Variants in SUMF1 observed in about 807,000 individuals in gnomAD.
The protein encoded by SUMF1 is sulfatase modifying factor 1.
Under a neutral mutation model 47.6 loss-of-function variants are expected in SUMF1, and 48 were observed. The ratio of observed to expected loss-of-function variants is 1.01; its 90% CI spans 0.80 to 1.28. The LOEUF is 1.28. SUMF1 is among the 50% of genes most tolerant of loss of function. The probability of loss-of-function intolerance (pLI) is 0.00; values close to 1 mark genes in which losing one functional copy is unlikely to be tolerated. For missense variants in SUMF1, 571 were observed against 485.4 expected, an observed-to-expected ratio of 1.18 and a Z score of -1.66; for synonymous variants, 230 against 192.1, an observed-to-expected ratio of 1.20 and a Z score of -1.63.
At chr3:4,338,787 A>G (rs77518457) in intron 8 of SUMF1, among the ~76,000 whole-genome samples, 4,913 of 152,104 alleles carry the variant, frequency 0.032, 256 homozygotes, top group African/African-American at 0.11. Context: ...TACCTAGTAC[A>G]TATGTATACC....
intron 8 of SUMF1, among the ~76,000 whole-genome samples, chr3:4,147,369 T>A (rs144278254): frequency 0.028 from 4,211 of 152,258 alleles, 96 homozygotes; most frequent in African/African-American, 0.049. Context: ...TGCACACGTA[T>A]GTTTATTGTG....
intron 8 of SUMF1, among the ~76,000 whole-genome samples, chr3:4,172,105 T>C (rs922517305): frequency 5.3e-5 from 8 of 152,148 alleles, no homozygotes; most frequent in African/African-American, 1.7e-4. Context: ...CAGTAGCCAA[T>C]GCAAGTAGGG....
intron 8 of SUMF1, among the ~76,000 whole-genome samples, chr3:4,218,405 C>A (rs1009751494): frequency 1.3e-5 from 2 of 152,138 alleles, no homozygotes; most frequent in Admixed American, 6.6e-5. Flanking sequence ...ACACCACAGG[C>A]CTCCGGGAAT....
At chr3:4,371,827 G>A (rs1039805173) in intron 8 of SUMF1, among the ~76,000 whole-genome samples, 1 of 152,182 alleles carries the variant, frequency 6.6e-6, no homozygotes, top group African/African-American at 2.4e-5. Context: ...TTAATAGTGT[G>A]CCTAAGGTCA....
At chr3:4,206,884 A>T (rs1181645924) in intron 8 of SUMF1, among the ~76,000 whole-genome samples, 3 of 151,970 alleles carry the variant, frequency 2.0e-5, no homozygotes, top group Non-Finnish European at 1.5e-5. Context: ...GTCAATTTCT[A>T]TGAAAAGCCT....
intron 8 of SUMF1, among the ~76,000 whole-genome samples, chr3:4,212,848 G>A (rs867075397): frequency 1.3e-5 from 2 of 152,084 alleles, no homozygotes; most frequent in Non-Finnish European, 2.9e-5. Context: ...AAAGCGAGAA[G>A]ACAAAATTAG....
At chr3:4,131,916 T>G (rs1187573544) in intron 8 of SUMF1, among the ~76,000 whole-genome samples, 1 of 152,110 alleles carries the variant, frequency 6.6e-6, no homozygotes, top group Non-Finnish European at 1.5e-5. Flanking sequence ...GGATGGAGGT[T>G]ACACATGGGC....
chr3:4,366,650 C>T (rs938602084), intron 8 of SUMF1, among the ~76,000 whole-genome samples: 2 of 151,962 alleles, frequency 1.3e-5, no homozygotes, highest in African/African-American at 4.8e-5. Context: ...ACTTCTTTGC[C>T]TTTGGTTTGA....
chr3:4,316,030 G>A (rs1359354662), intron 8 of SUMF1, among the ~76,000 whole-genome samples: 3 of 129,446 alleles, frequency 2.3e-5, no homozygotes, highest in Admixed American at 8.1e-5. Context: ...TTGGGTGACA[G>A]AGCGAGACTC....
chr3:4,249,722 G>T (rs932763973), intron 8 of SUMF1, among the ~76,000 whole-genome samples: 1 of 152,164 alleles, frequency 6.6e-6, no homozygotes, highest in African/African-American at 2.4e-5. Flanking sequence ...TTTAAATCAA[G>T]AGAGTTAGAA....
chr3:4,379,499 C>T (rs899076175), intron 7 of SUMF1, among the ~76,000 whole-genome samples: 1 of 152,170 alleles, frequency 6.6e-6, no homozygotes, highest in Non-Finnish European at 1.5e-5. Context: ...GGGTGTGGCA[C>T]AGCCAGCACC....
At chr3:4,262,560 G>A (rs1036830591) in intron 8 of SUMF1, among the ~76,000 whole-genome samples, 4 of 152,138 alleles carry the variant, frequency 2.6e-5, no homozygotes, top group South Asian at 2.1e-4. Context: ...TCCTGGCTCC[G>A]CTTTCCCCCA....
intron 8 of SUMF1, among the ~76,000 whole-genome samples, chr3:4,247,732 G>C (rs901875777): frequency 6.6e-6 from 1 of 152,146 alleles, no homozygotes; most frequent in African/African-American, 2.4e-5. Flanking sequence ...AAGAATAGCA[G>C]TCCACTAGGC....
At chr3:4,351,861 A>G (rs1699509166) in intron 8 of SUMF1, among the ~76,000 whole-genome samples, 1 of 152,218 alleles carries the variant, frequency 6.6e-6, no homozygotes, top group Non-Finnish European at 1.5e-5. Context: ...ATCCCTCTAT[A>G]CTGACTGCTT....
chr3:4,333,818 T>A (rs1699094530), intron 8 of SUMF1, among the ~76,000 whole-genome samples: 1 of 129,112 alleles, frequency 7.7e-6, no homozygotes, highest in East Asian at 2.1e-4. Flanking sequence ...ACTAAGCACA[T>A]AATTTTTTTT....
downstream of SUMF1, among the ~76,000 whole-genome samples, chr3:4,360,629 G>A (rs775059155): frequency 1.3e-5 from 2 of 152,164 alleles, no homozygotes; most frequent in Non-Finnish European, 2.9e-5. Flanking sequence ...CACTGGGCCT[G>A]GCCTACATGA....
intron 8 of SUMF1, among the ~76,000 whole-genome samples, chr3:4,362,594 T>C (rs1174940855): frequency 1.3e-5 from 2 of 152,222 alleles, no homozygotes; most frequent in African/African-American, 2.4e-5. Context: ...TGTCTTTACA[T>C]AGTATTTAAT....
intron 8 of SUMF1, among the ~76,000 whole-genome samples, chr3:4,207,363 A>G (rs1695676451): frequency 6.6e-6 from 1 of 152,162 alleles, no homozygotes; most frequent in Non-Finnish European, 1.5e-5. Context: ...GTCCAGTGCA[A>G]TGTTAAATAA....
At chr3:4,252,522 A>G (rs994999884) in intron 8 of SUMF1, among the ~76,000 whole-genome samples, 4 of 152,206 alleles carry the variant, frequency 2.6e-5, no homozygotes, top group African/African-American at 9.6e-5. Flanking sequence ...CTGAGTGGCA[A>G]AAGTAGGGAA....
Sources: allele counts gnomAD v4.1 joint callset (sites outside exome capture counted in the v4.1 genomes callset), GRCh38; gene constraint gnomAD v4.1.1; transcripts MANE v1.5; gene names NCBI Gene and HGNC (gene_info 2026-07-23, HGNC 2026-07-21).